Variants in TCTN3 observed in about 807,000 individuals in gnomAD.
The protein encoded by TCTN3 is tectonic family member 3, also known as tectonic-3.
In TCTN3, 57 loss-of-function variants were observed where a neutral mutation model predicts 71.3. The observed-to-expected ratio is 0.80, with a 90% confidence interval of 0.65 to 1.00. The LOEUF is 1.00. Ranked by LOEUF, TCTN3 falls within the 50% of genes least tolerant of loss-of-function variation. TCTN3 has a pLI of 0.00. For missense variants in TCTN3, 696 were observed against 719.9 expected, an observed-to-expected ratio of 0.97 and a Z score of 0.38; for synonymous variants, 258 against 267.8, an observed-to-expected ratio of 0.96 and a Z score of 0.36.
chr10:95,670,434 C>T (rs1347179255), intron 13 of TCTN3, among the ~76,000 whole-genome samples: 1 of 152,132 alleles, frequency 6.6e-6, no homozygotes, highest in African/African-American at 2.4e-5. Flanking sequence ...TCTTGGCTCA[C>T]TGCAGCCTTG....
intron 13 of TCTN3, among the ~76,000 whole-genome samples, chr10:95,678,074 A>C (rs1050374454): frequency 6.6e-6 from 1 of 152,210 alleles, no homozygotes; most frequent in Non-Finnish European, 1.5e-5. Flanking sequence ...CCTAGGTAAG[A>C]ATATTATAAA....
chr10:95,677,811 AT>A (rs1237073796), intron 13 of TCTN3, among the ~76,000 whole-genome samples: 1 of 152,200 alleles, frequency 6.6e-6, no homozygotes, highest in African/African-American at 2.4e-5. Flanking sequence ...GGATATCACC[AT>A]TCAGCAACTG....
chr10:95,664,375 T>G (rs1364273882), intron 13 of TCTN3, 75 bp from the exon 14 acceptor site: 5 of 1,228,648 alleles, frequency 4.1e-6, no homozygotes, highest in Non-Finnish European at 5.9e-6. Flanking sequence ...CTGTTATTAT[T>G]ACTTTCCCTG....
intron 3 of TCTN3, among the ~76,000 whole-genome samples, chr10:95,690,140 C>T (rs975700159): frequency 1.3e-5 from 2 of 152,060 alleles, no homozygotes; most frequent in Admixed American, 1.3e-4. Flanking sequence ...TGCACCACCA[C>T]ACCCAGCTAA....
At position 95,684,707 on chromosome 10, in the gene TCTN3, G is replaced by T. The variant is rs1203338890; in HGVS notation, c.970-83C>A. The T allele has an allele frequency of 2.5e-5, 37 of 1,491,456 alleles. No homozygotes were observed. In the South Asian group the frequency reaches 2.5e-4, roughly 10 times the overall value. The allele number at this position is 1,491,456 out of a possible 1,614,324, so 92.4% of individuals were successfully genotyped here. ...GACAGAAGATTTTCTGTCTTCAAGGGTGTTATTATAACTAAATGAGGCAGA... is the reference window on the plus strand; with the variant it reads ...GACAGAAGATTTTCTGTCTTCAAGGTTGTTATTATAACTAAATGAGGCAGA... On this transcript the variant is annotated intron_variant, in intron 8 of 13. Transcript: ENST00000371217.
intron 9 of TCTN3, among the ~76,000 whole-genome samples, chr10:95,684,000 G>T (rs943865842): frequency 6.6e-6 from 1 of 152,114 alleles, no homozygotes; most frequent in East Asian, 1.9e-4. Flanking sequence ...AGATGTTCCA[G>T]AGATGAGCTC....
At position 95,687,418 on chromosome 10, in the gene TCTN3, A is replaced by G. The variant is rs1026659524; in HGVS notation, c.628-63T>C. ...ACTGGACTAAACTACAACAGAAAAG[A>G]AAGAGTAGAAACAAGGTTAACTCAA... On this transcript the variant is annotated intron_variant, in intron 4 of 13. Transcript: ENST00000371217. 12 of 1,523,378 alleles carry G rather than the reference A, an allele frequency of 7.9e-6. No homozygotes were observed. In the Admixed American group the frequency reaches 2.2e-4, roughly 28 times the overall value. 94.4% of individuals were successfully genotyped at this position (1,523,378 alleles called of 1,614,324 possible). A position where few individuals can be genotyped will look rare whatever the true frequency, so the allele number is the denominator to read the frequency against.
chr10:95,682,377 C>T (rs1359358883), intron 12 of TCTN3, among the ~76,000 whole-genome samples: 1 of 152,064 alleles, frequency 6.6e-6, no homozygotes, highest in East Asian at 1.9e-4. Context: ...GCAGTCCCAG[C>T]TACTCGGGAG....
chr10:95,681,082 C>CT (rs879677336), intron 12 of TCTN3, among the ~76,000 whole-genome samples: 57 of 139,004 alleles, frequency 4.1e-4, no homozygotes, highest in East Asian at 1.1e-3. Flanking sequence ...GACCTCTGAT[C>CT]TTTTTTTTTT....
chr10:95,682,926 A>G, intron 11 of TCTN3, 122 bp from the exon 12 acceptor site: 1 of 1,365,594 alleles, frequency 7.3e-7, no homozygotes, highest in Non-Finnish European at 1.0e-6. Context: ...TATAATCCTT[A>G]GTAGGTATTA....
At chr10:95,691,520 AG>A (rs1189326483) in intron 3 of TCTN3, among the ~76,000 whole-genome samples, 2 of 152,162 alleles carry the variant, frequency 1.3e-5, no homozygotes, top group Non-Finnish European at 2.9e-5. Context: ...AATAACCACA[AG>A]GCTTCTGATA....
At chr10:95,691,318 A>C (rs1324808986) in intron 3 of TCTN3, among the ~76,000 whole-genome samples, 1 of 151,772 alleles carries the variant, frequency 6.6e-6, no homozygotes, top group African/African-American at 2.4e-5. Flanking sequence ...ATGCCTGGAT[A>C]ATTTTTTGTT....
chr10:95,684,305 A>G (rs561827492), intron 9 of TCTN3, among the ~76,000 whole-genome samples, 194 bp downstream of exon 9: 1 of 152,322 alleles, frequency 6.6e-6, no homozygotes, highest in African/African-American at 2.4e-5. Flanking sequence ...AGAAAATTTT[A>G]ATGAGTAAAG....
chr10:95,678,209 T>C (rs2097939306), intron 13 of TCTN3, among the ~76,000 whole-genome samples: 1 of 152,180 alleles, frequency 6.6e-6, no homozygotes, highest in African/African-American at 2.4e-5. Context: ...TAGCTTTCTT[T>C]GGATAAGCTA....
intron 12 of TCTN3, among the ~76,000 whole-genome samples, chr10:95,681,710 G>T (rs1006268078): frequency 2.0e-5 from 3 of 152,102 alleles, no homozygotes; most frequent in Non-Finnish European, 2.9e-5. Context: ...TTGTAAAAAT[G>T]TAAATTTTTA....
At chr10:95,668,006 A>C (rs1422886088) in intron 13 of TCTN3, among the ~76,000 whole-genome samples, 1 of 152,230 alleles carries the variant, frequency 6.6e-6, no homozygotes, top group Non-Finnish European at 1.5e-5. Context: ...ACAGACAATG[A>C]AAGATGAAGA....
intron 13 of TCTN3, among the ~76,000 whole-genome samples, chr10:95,679,630 C>T (rs1316134045): frequency 6.4e-5 from 8 of 124,840 alleles, no homozygotes; most frequent in East Asian, 4.9e-4. Flanking sequence ...CTCGCTCTGT[C>T]GCCCAGGCTG....
chr10:95,683,404 G>A, intron 10 of TCTN3, 118 bp downstream of exon 10: 3 of 1,562,212 alleles, frequency 1.9e-6, no homozygotes, highest in Non-Finnish European at 2.6e-6. Flanking sequence ...TAGTATATAA[G>A]TACCTCATTA....
In TCTN3 at chr10:95,693,789, C is replaced by A. The variant is rs2097956152; in HGVS notation, c.111G>T (p.Glu37Asp). 6.4e-7 allele frequency: 1 copy of A among 1,551,718 alleles called. No individual in the cohort carries two copies. Among genetic ancestry groups the A allele is most frequent in the Non-Finnish European group, 8.7e-7 (1 of 1,147,008 alleles). Residue 37 changes from glutamate to aspartate, a missense_variant, in exon 1 of 14, where the codon GAG becomes GAT. Transcript: ENST00000371217. ...TTCCGCCATCCGTCCCTCGCTGCAG[C>A]TCCAAAGACGTGGGCACTGCCCCTG... ...SPSGAVPTSL[E>D]LQRGTDGGTL...
Sources: allele counts gnomAD v4.1 joint callset (sites outside exome capture counted in the v4.1 genomes callset), GRCh38; gene constraint gnomAD v4.1.1; transcripts MANE v1.5; gene names NCBI Gene and HGNC (gene_info 2026-07-23, HGNC 2026-07-21).